Variants in SLC24A2 observed in about 807,000 individuals in gnomAD.
SLC24A2 encodes the protein sodium/potassium/calcium exchanger 2.
In SLC24A2, 36 loss-of-function variants were observed where a neutral mutation model predicts 62.0. The observed-to-expected ratio is 0.58, with a 90% CI of 0.44 to 0.77. SLC24A2 has a LOEUF of 0.77. Among genes scored for constraint, SLC24A2 ranks in the 30% least tolerant of loss-of-function variants. The probability of loss-of-function intolerance (pLI) is 0.00; values close to 1 mark genes in which losing one functional copy is unlikely to be tolerated. For synonymous variants in SLC24A2, 358 were observed against 294.0 expected, an observed-to-expected ratio of 1.22 and a Z score of -2.23; for missense variants, 846 against 817.9, an observed-to-expected ratio of 1.03 and a Z score of -0.42.
At chr9:20,273,355 G>A in the SLC24A2 span, among the ~76,000 whole-genome samples, 8 of 152,164 alleles carry the variant, frequency 5.3e-5, no homozygotes, top group East Asian at 1.5e-3. Flanking sequence ...AAGACACAGA[G>A]ATGCCAAGAA....
chr9:19,577,029 C>A lies in SLC24A2; in HGVS notation c.1130-7G>T. On this transcript the variant is annotated splice_region_variant and splice_polypyrimidine_tract_variant and intron_variant, in intron 5 of 10. Transcript: ENST00000341998. Reference sequence around the variant, plus strand: ...GCCTTTTCTCTGAACCTCCCTGAAGCAAAAGAAAGTGGCAGGAAGGAGACA... The same window carrying A: ...GCCTTTTCTCTGAACCTCCCTGAAGAAAAAGAAAGTGGCAGGAAGGAGACA... The A allele has an allele frequency of 6.2e-7, 1 of 1,611,474 alleles. No homozygotes were observed. Among genetic ancestry groups the A allele is most frequent in the South Asian group, 1.1e-5 (1 of 91,034 alleles).
chr9:19,831,499 T>A, the SLC24A2 span, among the ~76,000 whole-genome samples: 10 of 152,334 alleles, frequency 6.6e-5, no homozygotes, highest in Middle Eastern at 3.4e-3. Context: ...AAAATAAGCA[T>A]GCATTTTTAA....
the SLC24A2 span, among the ~76,000 whole-genome samples, chr9:20,099,660 A>G: frequency 6.6e-6 from 1 of 152,072 alleles, no homozygotes; most frequent in Non-Finnish European, 1.5e-5. Context: ...ATGACCAAAC[A>G]TCAACCCTAC....
chr9:19,719,081 T>C lies in SLC24A2; in HGVS notation c.930+66856A>G, dbSNP rs571196219. On this transcript the variant is annotated intron_variant, in intron 2 of 10. Coordinates refer to ENST00000341998, the MANE Select transcript of SLC24A2 (RefSeq NM_020344.4). ...CCTCTACTTCATATAATACCACAAA[T>C]TGCAAGGCTCCTGAGGAATCTTCCT... is the stretch of plus-strand genomic sequence containing the variant. Among the ~76,000 whole-genome samples the C allele has an allele frequency of 7.2e-5, 11 of 152,278 alleles. 1 individual carries two copies. The South Asian group carries it at 1.5e-3, about 20-fold the overall frequency.
the SLC24A2 span, among the ~76,000 whole-genome samples, chr9:19,956,070 TC>T: frequency 1.3e-5 from 2 of 152,168 alleles, no homozygotes; most frequent in Non-Finnish European, 2.9e-5. Context: ...GACAAAGTGA[TC>T]CCTTAGGTCT....
At chr9:19,862,360 A>G in the SLC24A2 span, among the ~76,000 whole-genome samples, 3 of 152,078 alleles carry the variant, frequency 2.0e-5, no homozygotes, top group Non-Finnish European at 4.4e-5. Flanking sequence ...ACCCTTCAAA[A>G]ATGGAGAAAT....
At chr9:19,718,761 C>T (rs1367748808) in intron 2 of SLC24A2, among the ~76,000 whole-genome samples, 1 of 152,122 alleles carries the variant, frequency 6.6e-6, no homozygotes, top group Non-Finnish European at 1.5e-5. Flanking sequence ...GTAAAGTTTC[C>T]TGTGGGAAGG....
intron 2 of SLC24A2, among the ~76,000 whole-genome samples, chr9:19,705,890 T>C (rs1263417483): frequency 6.6e-6 from 1 of 152,154 alleles, no homozygotes. Context: ...GGTGTGGTGC[T>C]GAAAAGAATG....
At chr9:20,136,143 C>T in the SLC24A2 span, among the ~76,000 whole-genome samples, 307 of 152,190 alleles carry the variant, frequency 2.0e-3, 4 homozygotes, top group Non-Finnish European at 3.1e-3. Flanking sequence ...AACTCAATAA[C>T]GCTGGTTAGT....
rs778888037 is a variant in SLC24A2 at position 19,514,097 on chromosome 9, G to C, written c.*2056C>G. On this transcript the variant is annotated 3_prime_UTR_variant, in exon 11 of 11. Coordinates refer to ENST00000341998, the MANE Select transcript of SLC24A2 (RefSeq NM_020344.4). ...ATCTTGATTTCTTGTTTTCCCAGGG[G>C]GCCTCGGGTTTGAAGTGCTTTTTAC... 1 of 152,174 alleles carries C rather than the reference G, an allele frequency of 6.6e-6. No individual in the cohort carries two copies. Among genetic ancestry groups the C allele is most frequent in the Non-Finnish European group, 1.5e-5 (1 of 68,062 alleles). 9.4% of individuals were successfully genotyped at this position (152,174 alleles called of 1,614,324 possible).
chr9:19,698,203 T>C (rs961157963), intron 2 of SLC24A2, among the ~76,000 whole-genome samples: 17 of 152,230 alleles, frequency 1.1e-4, no homozygotes, highest in African/African-American at 3.9e-4. Flanking sequence ...ATGCCATAGA[T>C]GAAAAATTCC....
the SLC24A2 span, among the ~76,000 whole-genome samples, chr9:19,923,455 G>A: frequency 6.6e-6 from 1 of 152,104 alleles, no homozygotes; most frequent in Non-Finnish European, 1.5e-5. Context: ...CCACCCCTGC[G>A]CCCTGGGACC....
the SLC24A2 span, among the ~76,000 whole-genome samples, chr9:20,046,501 C>G: frequency 6.6e-6 from 1 of 152,150 alleles, no homozygotes; most frequent in African/African-American, 2.4e-5. Context: ...TGTCTTGAAG[C>G]CATATGTCCT....
rs117732639 is a variant in SLC24A2, at chr9:19,525,652, C to T, written c.1569+2397G>A. 7.5e-3 allele frequency among the ~76,000 whole-genome samples: 1,132 copies of T among 151,584 alleles called. 4 individuals carry two copies. The highest frequency in any genetic ancestry group is 0.011 in the Non-Finnish European group (719 of 67,884). On this transcript the variant is annotated intron_variant, in intron 9 of 10. Coordinates refer to ENST00000341998, the MANE Select transcript of SLC24A2 (RefSeq NM_020344.4). ...CTCCTGGGGTCAAGGGATCTGCCTG[C>T]CTCAGCATCCCAAAGTGCTGGGACT...
At chr9:20,158,514 C>T in the SLC24A2 span, among the ~76,000 whole-genome samples, 1 of 151,612 alleles carries the variant, frequency 6.6e-6, no homozygotes, top group African/African-American at 2.4e-5. Context: ...CGTCATCAGA[C>T]ATCAAACTTG....
chr9:19,770,812 A>G (rs73646149), intron 2 of SLC24A2, among the ~76,000 whole-genome samples: 15,291 of 152,254 alleles, frequency 0.1, 1,277 homozygotes, highest in African/African-American at 0.23. Context: ...AAGATAGAGA[A>G]GAGCAACTCA....
chr9:19,627,918 T>G (rs777225493), intron 2 of SLC24A2, among the ~76,000 whole-genome samples: 1 of 152,170 alleles, frequency 6.6e-6, no homozygotes, highest in Admixed American at 6.5e-5. Context: ...AGATAACAAA[T>G]AGTAGTCTTA....
chr9:19,974,789 A>G, the SLC24A2 span, among the ~76,000 whole-genome samples: 2 of 152,198 alleles, frequency 1.3e-5, no homozygotes, highest in South Asian at 4.1e-4. Context: ...ACTAAATGAA[A>G]CTAGGTCTGT....
At chr9:19,900,332 A>G in the SLC24A2 span, among the ~76,000 whole-genome samples, 1 of 152,246 alleles carries the variant, frequency 6.6e-6, no homozygotes, top group Non-Finnish European at 1.5e-5. Flanking sequence ...TTACCCAAAT[A>G]TAGGAAAGAT....
Sources: gnomAD v4.1 joint callset for allele counts (sites outside exome capture counted in the v4.1 genomes callset) on GRCh38, gnomAD v4.1.1 for gene constraint, MANE v1.5 for transcripts, NCBI Gene and HGNC (gene_info 2026-07-23, HGNC 2026-07-21) for gene names.